FAT3: variants seen among roughly 807,000 people sequenced by gnomAD.
FAT3 encodes protocadherin Fat 3.
FAT3 carries 95 observed loss-of-function variants against 310.2 expected under a neutral mutation model. That is an observed-to-expected ratio of 0.31 (90% CI 0.26 to 0.36). The LOEUF is 0.36. Among genes scored for constraint, FAT3 ranks in the 10% least tolerant of loss-of-function variants. The probability of loss-of-function intolerance (pLI) is 1.00; values close to 1 mark genes in which losing one functional copy is unlikely to be tolerated. For missense variants in FAT3, 5,408 were observed against 5,715.6 expected, an observed-to-expected ratio of 0.95 and a Z score of 1.74; for synonymous variants, 2,314 against 2,192.9, an observed-to-expected ratio of 1.06 and a Z score of -1.54.
chr11:92,567,046 T>A (rs1955482563), intron 3 of FAT3, among the ~76,000 whole-genome samples: 1 of 152,076 alleles, frequency 6.6e-6, no homozygotes. Flanking sequence ...TGGGATCTAA[T>A]TAAACTAAAG....
intron 2 of FAT3, among the ~76,000 whole-genome samples, chr11:92,387,321 G>C (rs941096745): frequency 6.6e-6 from 1 of 152,138 alleles, no homozygotes; most frequent in East Asian, 1.9e-4. Context: ...TTAGTGGTGA[G>C]TGGGAGTGGT....
intron 24 of FAT3, among the ~76,000 whole-genome samples, chr11:92,884,177 A>T (rs1949744584): frequency 6.6e-6 from 1 of 152,202 alleles, no homozygotes; most frequent in Non-Finnish European, 1.5e-5. Flanking sequence ...AGAAGAACAC[A>T]GAGGAGGTCG....
intron 2 of FAT3, among the ~76,000 whole-genome samples, chr11:92,475,254 A>T (rs895090079): frequency 6.6e-6 from 1 of 152,022 alleles, no homozygotes. Flanking sequence ...AAAAATCCTT[A>T]TGCTGTTTTT....
chr11:92,366,873 T>A (rs1949036094), intron 2 of FAT3: 4 of 534,240 alleles, frequency 7.5e-6, no homozygotes, highest in Non-Finnish European at 1.5e-5. Context: ...TGGTTGGGCT[T>A]CATTAGAGGT....
intron 3 of FAT3, among the ~76,000 whole-genome samples, chr11:92,669,583 C>T (rs894182709): frequency 6.6e-6 from 1 of 152,186 alleles, no homozygotes; most frequent in African/African-American, 2.4e-5. Context: ...CAGCACTTTG[C>T]CTGTCTTTGT....
At chr11:92,386,616 G>T (rs770638365) in intron 2 of FAT3, among the ~76,000 whole-genome samples, 3 of 152,210 alleles carry the variant, frequency 2.0e-5, no homozygotes, top group Non-Finnish European at 4.4e-5. Flanking sequence ...GTTGTTGAAT[G>T]AATGGATGTC....
intron 2 of FAT3, among the ~76,000 whole-genome samples, chr11:92,493,500 G>A (rs965015550): frequency 2.0e-5 from 3 of 152,004 alleles, no homozygotes; most frequent in African/African-American, 7.2e-5. Context: ...GCTGTGCTTT[G>A]AATACACTAA....
chr11:92,561,947 C>A (rs532658098), intron 3 of FAT3, among the ~76,000 whole-genome samples: 2 of 152,078 alleles, frequency 1.3e-5, no homozygotes, highest in African/African-American at 4.8e-5. Flanking sequence ...TAATTTTAAA[C>A]AATAAATAAG....
intron 1 of FAT3, among the ~76,000 whole-genome samples, chr11:92,323,585 C>CTTTTTTTTTTTTTTT (rs1206086265): frequency 7.5e-6 from 1 of 133,840 alleles, no homozygotes. Flanking sequence ...CTTTTTTTTT[C>CTTTTTTTTTTTTTTT]TTTTTTTTTT....
At chr11:92,439,257 G>C (rs547378992) in intron 2 of FAT3, among the ~76,000 whole-genome samples, 1 of 152,110 alleles carries the variant, frequency 6.6e-6, no homozygotes, top group African/African-American at 2.4e-5. Context: ...AAACAGGCCA[G>C]TGCCTCTGAT....
At chr11:92,532,396 C>T (rs925550980) in intron 3 of FAT3, among the ~76,000 whole-genome samples, 4 of 152,108 alleles carry the variant, frequency 2.6e-5, no homozygotes, top group African/African-American at 9.7e-5. Flanking sequence ...TCTTATGTAA[C>T]TTCAGTTAAA....
At chr11:92,409,066 A>G (rs1459839421) in intron 2 of FAT3, among the ~76,000 whole-genome samples, 1 of 152,198 alleles carries the variant, frequency 6.6e-6, no homozygotes, top group Non-Finnish European at 1.5e-5. Context: ...TCTGCTGCAA[A>G]TAAGTCTCAT....
chr11:92,859,411 CTTT>C, intron 21 of FAT3, 89 bp downstream of exon 21: 2 of 1,326,960 alleles, frequency 1.5e-6, no homozygotes, highest in Non-Finnish European at 2.0e-6. Context: ...ATCATTTTGT[CTTT>C]TAAGTTCAGA....
intron 7 of FAT3, among the ~76,000 whole-genome samples, chr11:92,781,532 C>T (rs565342707): frequency 3.3e-5 from 5 of 152,192 alleles, no homozygotes; most frequent in South Asian, 2.1e-4. Flanking sequence ...AAATCATATA[C>T]GAGTCCAGGA....
Position 92,800,285 on chromosome 11 carries a change from T to C in FAT3, c.7272T>C (p.Ser2424=). The C allele has an allele frequency of 6.2e-7, 1 of 1,613,892 alleles. No individual in the cohort carries two copies. The highest frequency in any genetic ancestry group is 8.5e-7 in the Non-Finnish European group (1 of 1,179,760). ...TACAAGCCTCTGATGCAGACAGCTC[T>C]GATTTTGACCGGTTGGAATATAGCA... ...TCVQASDADS[S]DFDRLEYSIL... is the part of the protein sequence containing the mutation. The change falls in exon 10 of 28, where the codon TCT becomes TCC. Residue 2424 remains serine, a synonymous_variant. Coordinates refer to ENST00000525166, the MANE Select transcript of FAT3 (RefSeq NM_001367949.2).
intron 4 of FAT3, among the ~76,000 whole-genome samples, chr11:92,750,572 G>T (rs1442029083): frequency 6.6e-6 from 1 of 152,052 alleles, no homozygotes; most frequent in East Asian, 1.9e-4. Context: ...AGTTACAAAG[G>T]TTAAAGCAAA....
At chr11:92,835,824 A>C (rs1002100363) in intron 15 of FAT3, among the ~76,000 whole-genome samples, 1 of 152,020 alleles carries the variant, frequency 6.6e-6, no homozygotes, top group Non-Finnish European at 1.5e-5. Flanking sequence ...TCCAGGGGGA[A>C]CTCTGTCTAA....
At chr11:92,576,704 G>A (rs1938502703) in intron 3 of FAT3, among the ~76,000 whole-genome samples, 1 of 152,134 alleles carries the variant, frequency 6.6e-6, no homozygotes, top group South Asian at 2.1e-4. Context: ...GAGAAAGATA[G>A]AAAGGAGGAT....
rs1449597065 is a variant in FAT3, at chr11:92,887,020, G to A, written c.12958G>A (p.Gly4320Arg). 16 of 1,607,936 alleles carry A rather than the reference G, an allele frequency of 1.0e-5. No homozygotes were observed. The highest frequency in any genetic ancestry group is 1.3e-5 in the Non-Finnish European group (15 of 1,177,474). Residue 4320 changes from glycine (G) to arginine (R), a missense_variant, in exon 25 of 28, where the codon GGA becomes AGA. Physicochemically the swap from Gly to Arg is moderately radical, Grantham distance 125. Around this residue, in one of 5 missense-constraint regions of FAT3, gnomAD observed 649 missense variants for 666.2 expected, o/e 0.97. Coordinates refer to ENST00000525166, the MANE Select transcript of FAT3 (RefSeq NM_001367949.2). ...TGAAGACAAAGGGGTTGATGACCCGGGAGAAGTGACCTGCTTTGCAGGTAG... is the reference window on the plus strand; with the variant it reads ...TGAAGACAAAGGGGTTGATGACCCGAGAGAAGTGACCTGCTTTGCAGGTAG... The part of the protein sequence containing the change: ...GTENKGVDDP[G>R]EVTCFAGSNK...
Sources: allele counts gnomAD v4.1 joint callset (sites outside exome capture counted in the v4.1 genomes callset), GRCh38; gene constraint gnomAD v4.1.1; regional missense constraint gnomAD v4.1.1; transcripts MANE v1.5; gene names NCBI Gene and HGNC (gene_info 2026-07-23, HGNC 2026-07-21).